MRTFA: variants seen among roughly 807,000 people sequenced by gnomAD.
MRTFA encodes the protein myocardin-related transcription factor A.
MRTFA carries 20 observed loss-of-function variants against 83.5 expected under a neutral mutation model. The ratio of observed to expected loss-of-function variants is 0.24; its 90% CI spans 0.17 to 0.35. MRTFA has a LOEUF of 0.35. MRTFA is among the 10% of genes least tolerant of loss of function. The pLI is 1.00. For synonymous variants in MRTFA, 659 were observed against 541.2 expected (o/e 1.22, Z -3.02); for missense variants, 1,200 against 1,224.7 (o/e 0.98, Z 0.30).
chr22:40,435,630 G>A lies in MRTFA; in HGVS notation c.308-76C>T, dbSNP rs972202215. 2.6e-6 allele frequency: 4 copies of A among 1,529,734 alleles called. No homozygotes were observed. In the African/African-American group the frequency reaches 5.5e-5, roughly 21 times the overall value. 94.8% of individuals were successfully genotyped at this position (1,529,734 alleles called of 1,614,324 possible). On this transcript the variant is annotated intron_variant, in intron 4 of 14. Transcript: ENST00000355630. The stretch of plus-strand genomic sequence containing the variant: ...AGTGCTACGATATTCAGTGGAGAAG[G>A]CATCTTAAATTCATGTTACTGGCTG...
chr22:40,533,280 T>C (rs146068677), intron 3 of MRTFA, among the ~76,000 whole-genome samples: 1 of 152,310 alleles, frequency 6.6e-6, no homozygotes, highest in Non-Finnish European at 1.5e-5. Flanking sequence ...TTAATTGTCT[T>C]TCATTTAAAA....
intron 4 of MRTFA, among the ~76,000 whole-genome samples, chr22:40,451,691 G>A (rs1260174299): frequency 2.6e-5 from 4 of 152,110 alleles, no homozygotes. Context: ...CATACCAGTG[G>A]TCAAATATTT....
intron 3 of MRTFA, among the ~76,000 whole-genome samples, chr22:40,501,961 G>T (rs2054486817): frequency 8.1e-6 from 1 of 123,252 alleles, no homozygotes; most frequent in Admixed American, 7.3e-5. Context: ...TCCCAGACGG[G>T]GCGGCTGGCC....
intron 3 of MRTFA, among the ~76,000 whole-genome samples, chr22:40,490,080 GT>G (rs569488980): frequency 6.6e-6 from 1 of 151,288 alleles, no homozygotes; most frequent in African/African-American, 2.4e-5. Context: ...TTGCCTATAG[GT>G]TTTTTTTGCA....
intron 4 of MRTFA, among the ~76,000 whole-genome samples, chr22:40,457,656 G>C (rs2053621076): frequency 6.6e-6 from 1 of 152,142 alleles, no homozygotes; most frequent in South Asian, 2.1e-4. Context: ...CAAGAAGACA[G>C]AGCAAGGTCT....
intron 3 of MRTFA, among the ~76,000 whole-genome samples, chr22:40,494,201 T>C (rs1255799807): frequency 6.6e-6 from 1 of 152,168 alleles, no homozygotes; most frequent in Non-Finnish European, 1.5e-5. Flanking sequence ...GAAATAAAAA[T>C]AAACTCAAAT....
At position 40,411,822 on chromosome 22, in the gene MRTFA, T is replaced by C. The variant is rs1480312027; in HGVS notation, c.2664A>G (p.Ala888=). 8 of 1,514,578 alleles carry C rather than the reference T, an allele frequency of 5.3e-6. No individual in the cohort carries two copies. In the South Asian group the frequency reaches 1.1e-4, roughly 20 times the overall value. The allele number at this position is 1,514,578 out of a possible 1,614,324, so 93.8% of individuals were successfully genotyped here. The change falls in exon 15 of 15, where the codon GCA becomes GCG. Residue 888 remains alanine (A), a synonymous_variant. Transcript: ENST00000355630. ...GCTCAGCAGAAGGTGATGGCTGTGC[T>C]GCCAGGGGGGACCCACAGACTGTCT...
chr22:40,581,159 T>A (rs1309022880), intron 2 of MRTFA, among the ~76,000 whole-genome samples: 1 of 152,130 alleles, frequency 6.6e-6, no homozygotes, highest in Admixed American at 6.6e-5. Flanking sequence ...TGTATCTATA[T>A]TGACACATGT....
At chr22:40,526,183 TTTG>T (rs57693796) in intron 3 of MRTFA, 21 of 151,438 alleles carry the variant, frequency 1.4e-4, no homozygotes, top group Admixed American at 2.6e-4. Flanking sequence ...GCCTGGCTAA[TTTG>T]TTGTTGTTGT....
intron 2 of MRTFA, among the ~76,000 whole-genome samples, chr22:40,575,453 A>C (rs965823766): frequency 6.6e-6 from 1 of 152,246 alleles, no homozygotes; most frequent in Non-Finnish European, 1.5e-5. Flanking sequence ...TAAATTAAAA[A>C]AATCTTTTAT....
chr22:40,463,751 T>C (rs1368852454), intron 3 of MRTFA, among the ~76,000 whole-genome samples: 2 of 152,206 alleles, frequency 1.3e-5, no homozygotes, highest in East Asian at 3.8e-4. Flanking sequence ...GTAAACTCTT[T>C]TTCTTTTGTA....
At chr22:40,557,511 C>G (rs1347426854) in intron 2 of MRTFA, among the ~76,000 whole-genome samples, 5 of 152,142 alleles carry the variant, frequency 3.3e-5, no homozygotes, top group Admixed American at 3.3e-4. Context: ...TGGCTCACTC[C>G]TCTAATCCTA....
intron 4 of MRTFA, among the ~76,000 whole-genome samples, chr22:40,448,176 G>A (rs554237690): frequency 2.6e-5 from 4 of 152,328 alleles, no homozygotes; most frequent in Admixed American, 6.5e-5. Flanking sequence ...TGGGTGTGAC[G>A]GTGCACGCCT....
At chr22:40,470,943 C>T (rs1267426774) in intron 3 of MRTFA, among the ~76,000 whole-genome samples, 1 of 151,174 alleles carries the variant, frequency 6.6e-6, no homozygotes, top group African/African-American at 2.4e-5. Flanking sequence ...AGCGAGATTC[C>T]GTCTCAAAAA....
intron 3 of MRTFA, among the ~76,000 whole-genome samples, chr22:40,538,516 A>G (rs1364307834): frequency 6.6e-6 from 1 of 150,426 alleles, no homozygotes; most frequent in African/African-American, 2.5e-5. Flanking sequence ...CTATTGTCCC[A>G]TGACCCTGCC....
rs544571299 is a variant in MRTFA at position 40,539,844 on chromosome 22, T to C, written c.241+12262A>G. Among the ~76,000 whole-genome samples the C allele has an allele frequency of 1.2e-3, 177 of 152,046 alleles. 1 individual carries two copies. Among genetic ancestry groups the C allele is most frequent in the African/African-American group, 4.0e-3 (167 of 41,484 alleles). ...TAACGTAACTATAATATTTTCACAC[T>C]TAAATTTTATAAATTCCTTAATATC... On this transcript the variant is annotated intron_variant, in intron 3 of 14. Coordinates refer to ENST00000355630, the MANE Select transcript of MRTFA (RefSeq NM_020831.6).
intron 3 of MRTFA, among the ~76,000 whole-genome samples, chr22:40,540,555 T>C (rs1233084669): frequency 1.3e-5 from 2 of 151,998 alleles, no homozygotes; most frequent in African/African-American, 4.8e-5. Context: ...TTTGAGAGGC[T>C]GAGGTGGGTG....
At chr22:40,577,576 C>G (rs1224688735) in intron 2 of MRTFA, among the ~76,000 whole-genome samples, 1 of 150,884 alleles carries the variant, frequency 6.6e-6, no homozygotes, top group Admixed American at 6.6e-5. Flanking sequence ...AGGGCAGACA[C>G]AGAGAAAAAC....
At chr22:40,472,617 T>TA (rs2053934927) in intron 3 of MRTFA, among the ~76,000 whole-genome samples, 2 of 152,232 alleles carry the variant, frequency 1.3e-5, no homozygotes, top group African/African-American at 4.8e-5. Flanking sequence ...AATAATTTAA[T>TA]AAACAATCAT....
Sources: allele counts gnomAD v4.1 joint callset (sites outside exome capture counted in the v4.1 genomes callset), GRCh38; gene constraint gnomAD v4.1.1; transcripts MANE v1.5; gene names NCBI Gene and HGNC (gene_info 2026-07-23, HGNC 2026-07-21).